CLSTN1: variants seen among roughly 807,000 people sequenced by gnomAD.
The protein encoded by CLSTN1 is calsyntenin-1.
CLSTN1 carries 28 observed loss-of-function variants against 108.3 expected under a neutral mutation model. That is an observed-to-expected ratio of 0.26 (90% confidence interval 0.19 to 0.35). The LOEUF (loss-of-function observed/expected upper bound fraction) is 0.35. CLSTN1 is among the 10% of genes least tolerant of loss of function. The pLI, the probability that CLSTN1 is intolerant of heterozygous loss-of-function variation, is 1.00. For synonymous variants in CLSTN1, 524 were observed against 534.9 expected, an observed-to-expected ratio of 0.98 and a Z score of 0.28; for missense variants, 1,157 against 1,302.6, an observed-to-expected ratio of 0.89 and a Z score of 1.72.
At chr1:9,733,584 TA>T (rs773137355) in intron 15 of CLSTN1, 38 bp from the exon 16 acceptor site, 70 of 1,611,964 alleles carry the variant, frequency 4.3e-5, no homozygotes, top group Non-Finnish European at 5.9e-5. Context: ...CCGGGTGGCT[TA>T]GGGCAGGAGC....
intron 1 of CLSTN1, among the ~76,000 whole-genome samples, chr1:9,784,413 C>T (rs916924953): frequency 2.0e-5 from 3 of 152,026 alleles, no homozygotes; most frequent in East Asian, 1.9e-4. Flanking sequence ...GAGGCTGAGA[C>T]AGGAGGAATG....
chr1:9,787,035 G>A (rs1653528864), intron 1 of CLSTN1, among the ~76,000 whole-genome samples: 1 of 151,360 alleles, frequency 6.6e-6, no homozygotes, highest in Non-Finnish European at 1.5e-5. Context: ...TGGGGGTGAA[G>A]AGGTGGCTGC....
intron 2 of CLSTN1, among the ~76,000 whole-genome samples, chr1:9,764,968 T>A (rs1652255413): frequency 6.6e-6 from 1 of 152,202 alleles, no homozygotes; most frequent in African/African-American, 2.4e-5. Context: ...TCAATCACGG[T>A]TAATAAGAAG....
chr1:9,774,108 G>A (rs1349910755), intron 1 of CLSTN1, among the ~76,000 whole-genome samples: 1 of 151,944 alleles, frequency 6.6e-6, no homozygotes, highest in Non-Finnish European at 1.5e-5. Flanking sequence ...TAGGATCTCA[G>A]CTCACTCACT....
At chr1:9,807,761 G>T (rs964371175) in intron 1 of CLSTN1, among the ~76,000 whole-genome samples, 1 of 152,214 alleles carries the variant, frequency 6.6e-6, no homozygotes, top group African/African-American at 2.4e-5. Context: ...CTTGGAGGCC[G>T]TGCCTCTGCC....
chr1:9,733,668 A>C (rs1271768981), intron 15 of CLSTN1, 122 bp from the exon 16 acceptor site: 2 of 1,187,224 alleles, frequency 1.7e-6, no homozygotes, highest in East Asian at 4.9e-5. Context: ...AAGGGGTCAC[A>C]CAAGTTGGCT....
chr1:9,785,742 T>C (rs1653457300), intron 1 of CLSTN1, among the ~76,000 whole-genome samples: 2 of 151,766 alleles, frequency 1.3e-5, no homozygotes, highest in Non-Finnish European at 2.9e-5. Flanking sequence ...AAATCACTTG[T>C]ACACTTTAAA....
chr1:9,818,495 A>G (rs1168966121), intron 1 of CLSTN1, among the ~76,000 whole-genome samples: 1 of 144,068 alleles, frequency 6.9e-6, no homozygotes, highest in Non-Finnish European at 1.5e-5. Context: ...TGCCCAGCTA[A>G]TTTTTGTATT....
Position 9,755,313 on chromosome 1 carries a change from G to C in CLSTN1, c.245-4C>G, listed in dbSNP as rs765226843. 1 of 1,607,592 alleles carries C rather than the reference G, an allele frequency of 6.2e-7. No homozygotes were observed. The highest frequency in any genetic ancestry group is 1.1e-5 in the South Asian group (1 of 90,696). ...ATTTTAAATCCACAAATCTCACCTA[G>C]GGAGTCAAAGCAGAACAGGTAAGAA... is the stretch of plus-strand genomic sequence containing the variant. On this transcript the variant is annotated splice_polypyrimidine_tract_variant and splice_region_variant and intron_variant, in intron 3 of 18. Transcript: ENST00000377298.
chr1:9,787,889 T>C (rs1431098273), intron 1 of CLSTN1, among the ~76,000 whole-genome samples: 1 of 151,302 alleles, frequency 6.6e-6, no homozygotes, highest in Admixed American at 6.7e-5. Flanking sequence ...ACCCACTAAA[T>C]ACTAACTTCC....
At position 9,731,357 on chromosome 1, in the gene CLSTN1, A is replaced by G; in HGVS notation, c.2597T>C (p.Val866Ala). The change falls in exon 18 of 19, where the codon GTG (valine) becomes GCG (alanine). Residue 866 changes from valine (V) to alanine (A), a missense_variant. Physicochemically the swap from Val to Ala is moderately conservative, Grantham distance 64. Transcript: ENST00000377298. ...CATGAACACCAGGAAGCTGACGCAC[A>G]CCACGATCACAACTGTCGCAGTGCT... Reference protein sequence around the residue: ...VPSTATVVIVVCVSFLVFMII... With the variant: ...VPSTATVVIVACVSFLVFMII... 1 of 1,614,246 alleles carries G rather than the reference A, an allele frequency of 6.2e-7. No individual in the cohort carries two copies. Among genetic ancestry groups the G allele is most frequent in the Non-Finnish European group, 8.5e-7 (1 of 1,180,040 alleles).
chr1:9,765,341 G>A (rs1009866236), intron 2 of CLSTN1, among the ~76,000 whole-genome samples: 9 of 151,944 alleles, frequency 5.9e-5, no homozygotes, highest in Non-Finnish European at 8.8e-5. Flanking sequence ...CTGAGATCGC[G>A]TCATTGCACT....
At chr1:9,803,371 C>CA (rs1654368594) in intron 1 of CLSTN1, among the ~76,000 whole-genome samples, 2 of 152,302 alleles carry the variant, frequency 1.3e-5, no homozygotes, top group East Asian at 3.9e-4. Context: ...CAACCTCTCC[C>CA]ATCAAGGCAG....
chr1:9,785,655 C>G (rs1423796756), intron 1 of CLSTN1, among the ~76,000 whole-genome samples: 1 of 152,100 alleles, frequency 6.6e-6, no homozygotes, highest in East Asian at 1.9e-4. Flanking sequence ...CCCCTGGGGG[C>G]AATCCTCCTC....
At position 9,749,631 on chromosome 1, in the gene CLSTN1, A is replaced by G. The variant is rs375565731; in HGVS notation, c.815T>C (p.Ile272Thr). 6.2e-5 allele frequency: 100 copies of G among 1,613,830 alleles called. No individual in the cohort carries two copies. Among genetic ancestry groups the G allele is most frequent in the Admixed American group, 1.0e-4 (6 of 59,936 alleles). The change falls in exon 7 of 19, where the codon ATT becomes ACT. Residue 272 changes from isoleucine (I) to threonine (T), a missense_variant. Transcript: ENST00000377298. The stretch of plus-strand genomic sequence containing the variant: ...CGCGCCGGTGCCCGGCTCATACTCA[A>G]TCCTGTTGTTCCATCCTGTGTTGGT... ...TPGWQGWNNR[I>T]EYEPGTGALA... is the part of the protein sequence containing the mutation.
intron 5 of CLSTN1, 50 bp downstream of exon 5, chr1:9,751,423 G>A (rs534520425): frequency 1.3e-6 from 2 of 1,577,724 alleles, no homozygotes; most frequent in Admixed American, 1.7e-5. Flanking sequence ...AGTCAGTGGG[G>A]TTAGCAGGGA....
At chr1:9,783,883 C>T (rs1378732509) in intron 1 of CLSTN1, among the ~76,000 whole-genome samples, 2 of 152,028 alleles carry the variant, frequency 1.3e-5, no homozygotes, top group Admixed American at 1.3e-4. Context: ...ATCCCAGCTA[C>T]TTGGGAGGCT....
intron 1 of CLSTN1, among the ~76,000 whole-genome samples, chr1:9,813,452 T>C (rs1404520888): frequency 6.7e-6 from 1 of 149,188 alleles, no homozygotes; most frequent in African/African-American, 2.5e-5. Flanking sequence ...TGAGCTGAGA[T>C]CATACCTCTG....
chr1:9,766,875 T>C (rs1652361908), intron 2 of CLSTN1, among the ~76,000 whole-genome samples: 1 of 152,238 alleles, frequency 6.6e-6, no homozygotes, highest in African/African-American at 2.4e-5. Flanking sequence ...TGATTAGTGA[T>C]GACTTACAAG....
Sources: gnomAD v4.1 joint callset for allele counts (sites outside exome capture counted in the v4.1 genomes callset) on GRCh38, gnomAD v4.1.1 for gene constraint, MANE v1.5 for transcripts, NCBI Gene and HGNC (gene_info 2026-07-23, HGNC 2026-07-21) for gene names.